The following GLMP variants were observed in gnomAD, a reference collection of about 807,000 sequenced individuals.
The protein encoded by GLMP is kidney lysosomal membrane protein.
Under a neutral mutation model 39.2 loss-of-function variants are expected in GLMP, and 36 were observed. That is an observed-to-expected ratio of 0.92 (90% CI 0.70 to 1.21). The LOEUF (loss-of-function observed/expected upper bound fraction) is 1.21. Ranked by LOEUF, GLMP falls within the 50% of genes most tolerant of loss-of-function variation. GLMP has a pLI of 0.00. For missense variants in GLMP, 454 were observed against 505.6 expected, an observed-to-expected ratio of 0.90 and a Z score of 0.98; for synonymous variants, 220 against 218.9, an observed-to-expected ratio of 1.01 and a Z score of -0.04.
In GLMP at chr1:156,292,694, G is replaced by GA. The variant is rs1235230622; in HGVS notation, c.*349dup. 18 of 227,492 alleles carry GA rather than the reference G, an allele frequency of 7.9e-5. No individual in the cohort carries two copies. In the South Asian group the frequency reaches 1.0e-3, roughly 13 times the overall value. 14.1% of individuals were successfully genotyped at this position (227,492 alleles called of 1,614,324 possible). ...ACACATCAAGAGACTGGAGCCCTGT[G>GA]AAAAAAAATAAATCTATTTTCTTGC... On this transcript the variant is annotated 3_prime_UTR_variant, in exon 6 of 6. Coordinates refer to ENST00000362007, the MANE Select transcript of GLMP (RefSeq NM_144580.3).
Position 156,295,324 on chromosome 1 carries a change from C to T in GLMP, c.120+202G>A, listed in dbSNP as rs577986148. 15 of 1,361,818 alleles carry T rather than the reference C, an allele frequency of 1.1e-5. No individual in the cohort carries two copies. The African/African-American group carries it at 1.2e-4, about 11-fold the overall frequency. The allele number at this position is 1,361,818 out of a possible 1,614,324, so 84.4% of individuals were successfully genotyped here. ...GGACCTGGGTCACCCAGGGCTGAGTCGGGGTCCAGACATCACCCTCACATT... is the reference window on the plus strand; with the variant it reads ...GGACCTGGGTCACCCAGGGCTGAGTTGGGGTCCAGACATCACCCTCACATT... On this transcript the variant is annotated intron_variant, in intron 1 of 5. Coordinates refer to ENST00000362007, the MANE Select transcript of GLMP (RefSeq NM_144580.3).
chr1:156,295,213 G>T, intron 1 of GLMP, 197 bp from the exon 2 acceptor site: 1 of 1,107,690 alleles, frequency 9.0e-7, no homozygotes, highest in Non-Finnish European at 1.2e-6. Context: ...AAGGGGTAGG[G>T]TAGAGGGTAC....
In GLMP at chr1:156,294,887, C is replaced by T. The variant is rs1297054199; in HGVS notation, c.250G>A (p.Ala84Thr). 1.2e-6 allele frequency: 2 copies of T among 1,612,648 alleles called. No individual in the cohort carries two copies. The highest frequency in any genetic ancestry group is 1.7e-5 in the Admixed American group (1 of 59,808). Residue 84 changes from alanine to threonine, a missense_variant, in exon 2 of 6, where the codon GCC (alanine) becomes ACC (threonine). Transcript: ENST00000362007. ...SLGPLAVVMV[A>T]TNTPHSTLSV... Reference sequence around the variant, plus strand: ...AGGGTGCTGTGGGGGGTGTTGGTGGCCACCATTACCACTGCCAGAGGCCCC... The same window carrying T: ...AGGGTGCTGTGGGGGGTGTTGGTGGTCACCATTACCACTGCCAGAGGCCCC...
chr1:156,294,363 A>G lies in GLMP; in HGVS notation c.579+2T>C, dbSNP rs1479459957. The G allele has an allele frequency of 6.2e-7, 1 of 1,613,976 alleles. No individual in the cohort carries two copies. Among genetic ancestry groups the G allele is most frequent in the Non-Finnish European group, 8.5e-7 (1 of 1,179,908 alleles). On this transcript the variant is annotated splice_donor_variant, in intron 3 of 5. Transcript: ENST00000362007. LOFTEE classifies it high-confidence loss of function. Reference sequence around the variant, plus strand: ...AGCTCTTTCCGATTTCTCACGCCTTACCCTGAAGGCCAGGCTGCCATTGGC... The same window carrying G: ...AGCTCTTTCCGATTTCTCACGCCTTGCCCTGAAGGCCAGGCTGCCATTGGC...
chr1:156,293,963 C>T, intron 4 of GLMP, 55 bp downstream of exon 4: 2 of 1,580,356 alleles, frequency 1.3e-6, no homozygotes, highest in Non-Finnish European at 8.7e-7. Context: ...TTTTAGGTCC[C>T]AATGGTGTCC....
Position 156,294,145 on chromosome 1 carries a change from C to A in GLMP, c.671G>T (p.Gly224Val). 6.2e-7 allele frequency: 1 copy of A among 1,614,168 alleles called. No homozygotes were observed. The highest frequency in any genetic ancestry group is 8.5e-7 in the Non-Finnish European group (1 of 1,180,000). ...GGAACGGTTTCCCCGGGGAGAGGCT[C>A]CAATCAGGGCCACCTCTAGCTGACA... The part of the protein sequence containing the change: ...DTCQLEVALI[G>V]ASPRGNRSLF... The change falls in exon 4 of 6, where the codon GGA (glycine) becomes GTA (valine). Residue 224 changes from glycine to valine, a missense_variant. Coordinates refer to ENST00000362007, the MANE Select transcript of GLMP (RefSeq NM_144580.3).
At chr1:156,295,111 G>A in intron 1 of GLMP, 95 bp from the exon 2 acceptor site, 1 of 1,139,600 alleles carries the variant, frequency 8.8e-7, no homozygotes, top group South Asian at 1.7e-5. Context: ...GGAAAGTGCT[G>A]GACAAAGGAT....
In GLMP at chr1:156,292,703, T is replaced by A. The variant is rs1008412149; in HGVS notation, c.*341A>T. On this transcript the variant is annotated 3_prime_UTR_variant, in exon 6 of 6. Coordinates refer to ENST00000362007, the MANE Select transcript of GLMP (RefSeq NM_144580.3). ...GAGACTGGAGCCCTGTGAAAAAAAA[T>A]AAATCTATTTTCTTGCCTTCCAGGG... 2 of 256,464 alleles carry A rather than the reference T, an allele frequency of 7.8e-6. No individual in the cohort carries two copies. The highest frequency in any genetic ancestry group is 1.1e-4 in the South Asian group (1 of 8,986). The allele number at this position is 256,464 out of a possible 1,614,324, so 15.9% of individuals were successfully genotyped here.
chr1:156,295,664 A>G lies in GLMP; in HGVS notation c.-19T>C. The G allele has an allele frequency of 6.5e-7, 1 of 1,545,212 alleles. No homozygotes were observed. Among genetic ancestry groups the G allele is most frequent in the Non-Finnish European group, 8.8e-7 (1 of 1,141,618 alleles). On this transcript the variant is annotated 5_prime_UTR_variant, in exon 1 of 6. Transcript: ENST00000362007. ...CGCGCATACGGCCGCAATTCAGCCGACGGAAGAGGTGCCAGAGGGTCACAT... is the reference window on the plus strand; with the variant it reads ...CGCGCATACGGCCGCAATTCAGCCGGCGGAAGAGGTGCCAGAGGGTCACAT...
At position 156,293,532 on chromosome 1, in the gene GLMP, C is replaced by T. The variant is rs983776867; in HGVS notation, c.843G>A (p.Gln281=). The part of the protein sequence containing the change: ...LWGSLPSGFA[Q]WRPVAYSQKP... ...TCTGGGAGTAAGCCACTGGTCGCCA[C>T]TGTGCAAAGCCTGATGGGAGGGAGC... Residue 281 remains glutamine, a synonymous_variant, in exon 5 of 6, where the codon CAG becomes CAA. Transcript: ENST00000362007. 4.3e-6 allele frequency: 7 copies of T among 1,614,170 alleles called. No individual in the cohort carries two copies. Among genetic ancestry groups the T allele is most frequent in the Non-Finnish European group, 5.1e-6 (6 of 1,180,016 alleles).
At position 156,293,592 on chromosome 1, in the gene GLMP, A is replaced by G; in HGVS notation, c.799-16T>C. ...GCTGGTCCAACTGGGAAGAAAGGCA[A>G]ACAAGGGAGGGTAAAGAGGACCAAC... On this transcript the variant is annotated splice_polypyrimidine_tract_variant and intron_variant, in intron 4 of 5. Coordinates refer to ENST00000362007, the MANE Select transcript of GLMP (RefSeq NM_144580.3). 3 of 1,613,980 alleles carry G rather than the reference A, an allele frequency of 1.9e-6. No individual in the cohort carries two copies. The highest frequency in any genetic ancestry group is 2.5e-6 in the Non-Finnish European group (3 of 1,179,920).
intron 4 of GLMP, 155 bp from the exon 5 acceptor site, chr1:156,293,731 A>G: frequency 6.5e-7 from 1 of 1,548,640 alleles, no homozygotes; most frequent in Non-Finnish European, 8.7e-7. Context: ...GGGGAGTTCG[A>G]CTGGGTGAGG....
Position 156,294,075 on chromosome 1 carries a change from G to C in GLMP, c.741C>G (p.Cys247Trp), listed in dbSNP as rs777020515. 1 of 1,614,086 alleles carries C rather than the reference G, an allele frequency of 6.2e-7. No individual in the cohort carries two copies. The highest frequency in any genetic ancestry group is 8.5e-7 in the Non-Finnish European group (1 of 1,180,046). The change falls in exon 4 of 6, where the codon TGC (cysteine) becomes TGG (tryptophan). Residue 247 changes from cysteine to tryptophan, a missense_variant. By Grantham distance (215) the Cys-to-Trp change is radical. Transcript: ENST00000362007. ...EVATLGQGPDCPSMQEQHSID... is the reference protein window; with the variant it reads ...EVATLGQGPDWPSMQEQHSID... ...TGGAGTGCTGCTCCTGCATTGAGGG[G>C]CAGTCAGGGCCCTGGCCCAATGTGG...
chr1:156,293,173 G>C lies in GLMP; in HGVS notation c.1092C>G (p.Asp364Glu). The C allele has an allele frequency of 6.2e-7, 1 of 1,613,834 alleles. No individual in the cohort carries two copies. Among genetic ancestry groups the C allele is most frequent in the Non-Finnish European group, 8.5e-7 (1 of 1,179,882 alleles). Residue 364 changes from aspartate (D) to glutamate (E), a missense_variant, in exon 6 of 6, where the codon GAC (aspartate) becomes GAG (glutamate). Transcript: ENST00000362007. ...MLLGVGFPPV[D>E]GLSPLVLGIM... ...TGCCCAGGACTAGTGGGGACAAGCC[G>C]TCCACTGGAGGGAAGCCCACACCCA...
intron 3 of GLMP, 24 bp downstream of exon 3, chr1:156,294,341 T>C: frequency 6.2e-7 from 1 of 1,613,090 alleles, no homozygotes; most frequent in Non-Finnish European, 8.5e-7. Context: ...CTTTTTGAGC[T>C]CTTTCCGATT....
At chr1:156,295,355 T>C in intron 1 of GLMP, 171 bp downstream of exon 1, 1 of 1,387,222 alleles carries the variant, frequency 7.2e-7, no homozygotes, top group East Asian at 2.8e-5. Flanking sequence ...ACATTTGCCC[T>C]ACTCCACAAT....
Position 156,295,672 on chromosome 1 carries a change from GGT to G in GLMP, c.-29_-28del, listed in dbSNP as rs1663583874. ...CGGCCGCAATTCAGCCGACGGAAGA[GGT>G]GCCAGAGGGTCACATGACTCGCGTT... On this transcript the variant is annotated 5_prime_UTR_variant, in exon 1 of 6. Transcript: ENST00000362007. 6.6e-7 allele frequency: 1 copy of G among 1,523,288 alleles called. No homozygotes were observed. The highest frequency in any genetic ancestry group is 1.4e-5 in the African/African-American group (1 of 72,418). 94.4% of individuals were successfully genotyped at this position (1,523,288 alleles called of 1,614,324 possible). A position where few individuals can be genotyped will look rare whatever the true frequency, so the allele number is the denominator to read the frequency against.
chr1:156,295,579 T>G lies in GLMP; in HGVS notation c.67A>C (p.Thr23Pro). 1 of 1,558,674 alleles carries G rather than the reference T, an allele frequency of 6.4e-7. No individual in the cohort carries two copies. Among genetic ancestry groups the G allele is most frequent in the Non-Finnish European group, 8.7e-7 (1 of 1,154,268 alleles). ...AATGGGGCTGCAAACAGAAGTAGAGTCCAAAGGAGCAGGGGGCTGGGGGCA... is the reference window on the plus strand; with the variant it reads ...AATGGGGCTGCAAACAGAAGTAGAGGCCAAAGGAGCAGGGGGCTGGGGGCA... Reference protein sequence around the residue: ...HCAPSPLLLWTLLLFAAPFGL... With the variant: ...HCAPSPLLLWPLLLFAAPFGL... Residue 23 changes from threonine (T) to proline (P), a missense_variant, in exon 1 of 6, where the codon ACT becomes CCT. Thr to Pro is a conservative substitution (Grantham distance 38, BLOSUM62 -1). Coordinates refer to ENST00000362007, the MANE Select transcript of GLMP (RefSeq NM_144580.3).
Position 156,293,054 on chromosome 1 carries a change from G to C in GLMP, c.1211C>G (p.Ser404Cys). 6.2e-7 allele frequency: 1 copy of C among 1,614,122 alleles called. No individual in the cohort carries two copies. The highest frequency in any genetic ancestry group is 8.5e-7 in the Non-Finnish European group (1 of 1,180,016). ...LHHKKYSEYQ[S>C]IN is the part of the protein sequence containing the mutation. Reference sequence around the variant, plus strand: ...TCCAGAGAGCGGGCCTTAATTTATGGACTGGTACTCTGAGTACTTCTTGTG... The same window carrying C: ...TCCAGAGAGCGGGCCTTAATTTATGCACTGGTACTCTGAGTACTTCTTGTG... Residue 404 changes from serine to cysteine, a missense_variant, in exon 6 of 6, where the codon TCC becomes TGC. Coordinates refer to ENST00000362007, the MANE Select transcript of GLMP (RefSeq NM_144580.3).
Sources: allele counts gnomAD v4.1 joint callset, GRCh38; gene constraint gnomAD v4.1.1; transcripts MANE v1.5; gene names NCBI Gene and HGNC (gene_info 2026-07-23, HGNC 2026-07-21).